ADGRL3: variants seen among roughly 807,000 people sequenced by gnomAD.
ADGRL3 encodes the protein calcium-independent alpha-latrotoxin receptor 3.
ADGRL3 carries 62 observed loss-of-function variants against 153.5 expected under a neutral mutation model. That is an observed-to-expected ratio of 0.40 (90% confidence interval 0.33 to 0.50). The LOEUF (loss-of-function observed/expected upper bound fraction) is 0.50. Ranked by LOEUF, ADGRL3 falls within the 20% of genes least tolerant of loss-of-function variation. The probability of loss-of-function intolerance (pLI) is 0.47; values close to 1 mark genes in which losing one functional copy is unlikely to be tolerated. For synonymous variants in ADGRL3, 710 were observed against 672.5 expected (o/e 1.06, Z -0.86); for missense variants, 1,641 against 1,859.4 (o/e 0.88, Z 2.16).
chr4:61,317,927 G>A (rs968429334), intron 1 of ADGRL3, among the ~76,000 whole-genome samples: 2 of 152,070 alleles, frequency 1.3e-5, no homozygotes, highest in African/African-American at 2.4e-5. Context: ...TGTAATCCCA[G>A]CATTTTGGGA....
chr4:62,053,616 A>C (rs1462127360), intron 25 of ADGRL3, among the ~76,000 whole-genome samples: 1 of 151,572 alleles, frequency 6.6e-6, no homozygotes, highest in Admixed American at 6.6e-5. Context: ...AGAAAAATAG[A>C]AACAATATGT....
intron 1 of ADGRL3, among the ~76,000 whole-genome samples, chr4:61,208,704 G>C (rs1396177085): frequency 6.6e-6 from 1 of 152,144 alleles, no homozygotes; most frequent in Non-Finnish European, 1.5e-5. Context: ...TTTGAAGTTT[G>C]ATAGTGAATG....
intron 1 of ADGRL3, among the ~76,000 whole-genome samples, chr4:61,326,377 GT>G (rs1360050759): frequency 6.6e-6 from 1 of 151,896 alleles, no homozygotes; most frequent in Non-Finnish European, 1.5e-5. Context: ...ATATAAAAAA[GT>G]TTATAATCGT....
intron 8 of ADGRL3, among the ~76,000 whole-genome samples, chr4:61,757,211 G>T (rs895660551): frequency 5.9e-5 from 9 of 152,154 alleles, no homozygotes; most frequent in Admixed American, 3.9e-4. Flanking sequence ...GCTCCTCCTT[G>T]TTCCTCTGGT....
At chr4:61,852,431 C>T (rs1050785055) in intron 9 of ADGRL3, among the ~76,000 whole-genome samples, 1 of 152,088 alleles carries the variant, frequency 6.6e-6, no homozygotes, top group Admixed American at 6.5e-5. Flanking sequence ...TCTCGTGCCT[C>T]AGCCTCCCGA....
chr4:61,820,931 A>C (rs1228355919), intron 9 of ADGRL3, among the ~76,000 whole-genome samples: 10 of 152,296 alleles, frequency 6.6e-5, no homozygotes, highest in African/African-American at 2.2e-4. Context: ...AGAGTCACTC[A>C]ATGAAGGTGG....
chr4:61,502,153 G>T (rs959276754), intron 3 of ADGRL3, among the ~76,000 whole-genome samples: 8 of 152,186 alleles, frequency 5.3e-5, no homozygotes, highest in Admixed American at 5.2e-4. Flanking sequence ...CAGTAATAAC[G>T]TAGGTACCTG....
chr4:61,217,340 A>G (rs1274191463), intron 1 of ADGRL3, among the ~76,000 whole-genome samples: 1 of 152,124 alleles, frequency 6.6e-6, no homozygotes, highest in African/African-American at 2.4e-5. Flanking sequence ...GTGAACTGAG[A>G]TAGGAAGGTT....
chr4:62,033,330 A>G (rs1723205712), intron 23 of ADGRL3, among the ~76,000 whole-genome samples: 1 of 151,828 alleles, frequency 6.6e-6, no homozygotes, highest in Non-Finnish European at 1.5e-5. Context: ...AAAACATAGT[A>G]TAGCTTTTTT....
At chr4:61,347,751 G>A (rs903095213) in intron 1 of ADGRL3, among the ~76,000 whole-genome samples, 1 of 152,010 alleles carries the variant, frequency 6.6e-6, no homozygotes, top group Non-Finnish European at 1.5e-5. Flanking sequence ...ATGATCCTTG[G>A]TGTCTGTTTT....
chr4:61,600,383 T>C (rs894134638), intron 5 of ADGRL3, among the ~76,000 whole-genome samples: 1 of 149,666 alleles, frequency 6.7e-6, no homozygotes, highest in African/African-American at 2.5e-5. Context: ...TAAGAAAAAG[T>C]TGTCTCCTGG....
chr4:61,718,319 T>G (rs888169750), intron 6 of ADGRL3, among the ~76,000 whole-genome samples: 1 of 152,174 alleles, frequency 6.6e-6, no homozygotes, highest in Non-Finnish European at 1.5e-5. Context: ...GCACCTGAGA[T>G]AGAAAACCCT....
chr4:61,430,015 G>A (rs185600504), intron 2 of ADGRL3, among the ~76,000 whole-genome samples: 12 of 152,072 alleles, frequency 7.9e-5, no homozygotes, highest in Admixed American at 6.5e-4. Flanking sequence ...CAACAGTTTT[G>A]GACTATCCTA....
chr4:62,047,399 C>G (rs1731688108), intron 25 of ADGRL3, among the ~76,000 whole-genome samples: 1 of 152,016 alleles, frequency 6.6e-6, no homozygotes, highest in Non-Finnish European at 1.5e-5. Context: ...TCATTATCAT[C>G]TTTAGGATCC....
intron 8 of ADGRL3, among the ~76,000 whole-genome samples, chr4:61,789,408 C>T (rs182276704): frequency 6.6e-6 from 1 of 152,204 alleles, no homozygotes; most frequent in East Asian, 1.9e-4. Flanking sequence ...CAATTAATCA[C>T]CAAGCGTGCT....
At chr4:61,474,687 CAGAA>C (rs2098021472) in intron 2 of ADGRL3, among the ~76,000 whole-genome samples, 1 of 151,968 alleles carries the variant, frequency 6.6e-6, no homozygotes, top group African/African-American at 2.4e-5. Context: ...TCCCCTTAAA[CAGAA>C]AGAAATATGT....
chr4:61,218,764 C>T (rs1276657454), intron 1 of ADGRL3, among the ~76,000 whole-genome samples: 1 of 152,144 alleles, frequency 6.6e-6, no homozygotes, highest in Non-Finnish European at 1.5e-5. Context: ...GAAAGGAGCT[C>T]AGTTCTTGTG....
chr4:61,527,571 T>C (rs1007887714), intron 4 of ADGRL3, among the ~76,000 whole-genome samples: 2 of 152,178 alleles, frequency 1.3e-5, no homozygotes, highest in Non-Finnish European at 2.9e-5. Context: ...GACTCATGGA[T>C]AGAAGTCTAC....
At chr4:61,398,026 C>A (rs922913822) in intron 2 of ADGRL3, among the ~76,000 whole-genome samples, 1 of 151,822 alleles carries the variant, frequency 6.6e-6, no homozygotes, top group Admixed American at 6.6e-5. Context: ...CTTTATCACA[C>A]TCACTAGGCT....
Sources: gnomAD v4.1 joint callset for allele counts (sites outside exome capture counted in the v4.1 genomes callset) on GRCh38, gnomAD v4.1.1 for gene constraint, MANE v1.5 for transcripts, NCBI Gene and HGNC (gene_info 2026-07-23, HGNC 2026-07-21) for gene names.